The following CACNG3 variants were observed in gnomAD, a reference collection of about 807,000 sequenced individuals.
CACNG3 encodes calcium voltage-gated channel auxiliary subunit gamma 3, also known as voltage-dependent calcium channel gamma-3 subunit.
A neutral mutation model predicts 28.5 loss-of-function variants in CACNG3; 3 were observed. The ratio of observed to expected loss-of-function variants is 0.11; its 90% CI spans 0.05 to 0.27. CACNG3 has a LOEUF of 0.27. Ranked by LOEUF, CACNG3 falls within the 10% of genes least tolerant of loss-of-function variation. The pLI is 1.00. For synonymous variants in CACNG3, 174 were observed against 162.2 expected (o/e 1.07, Z -0.55); for missense variants, 236 against 414.4 (o/e 0.57, Z 3.74).
At chr16:24,319,897 A>G (rs916919157) in intron 1 of CACNG3, among the ~76,000 whole-genome samples, 4 of 152,158 alleles carry the variant, frequency 2.6e-5, no homozygotes, top group Non-Finnish European at 5.9e-5. Flanking sequence ...CAGCCTCCCA[A>G]GGAGCTGGGA....
At chr16:24,321,564 C>T (rs1269989727) in intron 1 of CACNG3, among the ~76,000 whole-genome samples, 6 of 152,222 alleles carry the variant, frequency 3.9e-5, no homozygotes, top group Non-Finnish European at 8.8e-5. Context: ...TACTTAATAG[C>T]ATCCCCAAAG....
Position 24,257,369 on chromosome 16 carries a change from GAGAGAGAGAGAGAGAGAGAGA to G in CACNG3, c.211+405_211+425del, listed in dbSNP as rs1243290376. Among the ~76,000 whole-genome samples, 42 of 19,650 alleles carry G rather than the reference GAGAGAGAGAGAGAGAGAGAGA, an allele frequency of 2.1e-3. 2 individuals carry two copies. Among genetic ancestry groups the G allele is most frequent in the East Asian group, 5.2e-3 (2 of 382 alleles). The allele number at this position is 19,650 out of a possible 152,430, so 12.9% of individuals were successfully genotyped here. On this transcript the variant is annotated intron_variant, in intron 1 of 3. Transcript: ENST00000005284. ...GGACAAGAGGAAAGAAGTGAGGGGG[GAGAGAGAGAGAGAGAGAGAGA>G]GAGAGAGAGAGAGAGAGAGAGAGAG...
At chr16:24,293,912 A>AG (rs1898997416) in intron 1 of CACNG3, among the ~76,000 whole-genome samples, 1 of 152,122 alleles carries the variant, frequency 6.6e-6, no homozygotes, top group African/African-American at 2.4e-5. Flanking sequence ...GTGAAAAAAA[A>AG]TAAGCCTTGA....
intron 1 of CACNG3, among the ~76,000 whole-genome samples, chr16:24,343,404 C>T (rs1014530686): frequency 6.6e-6 from 1 of 152,142 alleles, no homozygotes; most frequent in African/African-American, 2.4e-5. Flanking sequence ...CACCTGAACA[C>T]TTTCTTCCTT....
At chr16:24,334,882 G>A (rs1899680942) in intron 1 of CACNG3, among the ~76,000 whole-genome samples, 1 of 152,144 alleles carries the variant, frequency 6.6e-6, no homozygotes, top group Non-Finnish European at 1.5e-5. Context: ...CACATGCACA[G>A]GTCTGCACAT....
chr16:24,271,261 G>T (rs538291768), intron 1 of CACNG3, among the ~76,000 whole-genome samples: 1 of 152,078 alleles, frequency 6.6e-6, no homozygotes, highest in Non-Finnish European at 1.5e-5. Flanking sequence ...CTTTTGCCTC[G>T]CCCTTCTCTA....
chr16:24,333,330 G>A (rs2141374501), intron 1 of CACNG3: 1 of 152,280 alleles, frequency 6.6e-6, no homozygotes, highest in Middle Eastern at 3.4e-3. Flanking sequence ...AAAGTTGGAA[G>A]CATGTTTTCG....
At chr16:24,303,632 C>T (rs369786776) in intron 1 of CACNG3, among the ~76,000 whole-genome samples, 3 of 151,502 alleles carry the variant, frequency 2.0e-5, no homozygotes, top group East Asian at 3.9e-4. Flanking sequence ...TATTTGCTTG[C>T]GAAGTGGTTG....
At chr16:24,330,209 C>A (rs1247170644) in intron 1 of CACNG3, among the ~76,000 whole-genome samples, 1 of 152,160 alleles carries the variant, frequency 6.6e-6, no homozygotes, top group African/African-American at 2.4e-5. Flanking sequence ...AAAGTGAAGC[C>A]CAAGTCCAAG....
chr16:24,268,595 A>C (rs1898645156), intron 1 of CACNG3, among the ~76,000 whole-genome samples: 1 of 152,232 alleles, frequency 6.6e-6, no homozygotes, highest in South Asian at 2.1e-4. Context: ...AAGCCAATAA[A>C]ATTGAGACAT....
At chr16:24,299,030 C>T (rs375901577) in intron 1 of CACNG3, among the ~76,000 whole-genome samples, 36 of 152,226 alleles carry the variant, frequency 2.4e-4, no homozygotes, top group Admixed American at 7.2e-4. Context: ...CCAGGTCTCG[C>T]CCCTGTAGAG....
intron 1 of CACNG3, among the ~76,000 whole-genome samples, chr16:24,276,617 T>C (rs989086994): frequency 6.6e-6 from 1 of 152,234 alleles, no homozygotes; most frequent in Non-Finnish European, 1.5e-5. Flanking sequence ...TTGACTTCTC[T>C]TTAGTTGCAG....
intron 1 of CACNG3, among the ~76,000 whole-genome samples, chr16:24,305,471 A>C (rs1203290373): frequency 6.6e-6 from 1 of 151,714 alleles, no homozygotes; most frequent in African/African-American, 2.4e-5. Flanking sequence ...GGATCCTCCC[A>C]CCTCAGCCTC....
chr16:24,329,930 G>A (rs1899609520), intron 1 of CACNG3, among the ~76,000 whole-genome samples: 1 of 152,170 alleles, frequency 6.6e-6, no homozygotes, highest in South Asian at 2.1e-4. Context: ...CAGCTACTTG[G>A]GAGGCTGAGG....
rs1596653700 is a variant in CACNG3, at chr16:24,354,916, T to G, written c.379T>G (p.Phe127Val). The change falls in exon 3 of 4, where the codon TTC becomes GTC. Residue 127 changes from phenylalanine to valine, a missense_variant. Coordinates refer to ENST00000005284, the MANE Select transcript of CACNG3 (RefSeq NM_006539.4). Reference sequence around the variant, plus strand: ...CGGGCTCTGCGTGGCAGCCAGTGAGTTCCACCGCAGCAGACACAACGTCAT... The same window carrying G: ...CGGGCTCTGCGTGGCAGCCAGTGAGGTCCACCGCAGCAGACACAACGTCAT... ...FGGLCVAASEFHRSRHNVILS... is the reference protein window; with the variant it reads ...FGGLCVAASEVHRSRHNVILS... The G allele has an allele frequency of 1.9e-6, 3 of 1,612,418 alleles. No homozygotes were observed. The highest frequency in any genetic ancestry group is 2.5e-6 in the Non-Finnish European group (3 of 1,179,996).
At chr16:24,352,473 C>A (rs1051391026) in intron 2 of CACNG3, among the ~76,000 whole-genome samples, 1 of 152,106 alleles carries the variant, frequency 6.6e-6, no homozygotes, top group African/African-American at 2.4e-5. Context: ...CAGGTCTACC[C>A]CCGCAGTCCA....
At chr16:24,265,910 A>G (rs1898603638) in intron 1 of CACNG3, among the ~76,000 whole-genome samples, 1 of 152,212 alleles carries the variant, frequency 6.6e-6, no homozygotes, top group Non-Finnish European at 1.5e-5. Context: ...AAACCCTGCT[A>G]TATCTCACTG....
At chr16:24,273,503 T>A (rs1431294692) in intron 1 of CACNG3, among the ~76,000 whole-genome samples, 2 of 152,218 alleles carry the variant, frequency 1.3e-5, no homozygotes, top group African/African-American at 4.8e-5. Flanking sequence ...TATTTTTACT[T>A]TTTCATCATC....
chr16:24,361,294 A>G lies in CACNG3; in HGVS notation c.437-58A>G, dbSNP rs1288199226. ...TTTCTATAAATATTTTAAGATGGAA[A>G]GTGACAGTTCTCTCCGAGGTGTATA... On this transcript the variant is annotated intron_variant, in intron 3 of 3. Transcript: ENST00000005284. The surrounding 1 kb of genome is among the most constrained non-coding windows in gnomAD (Gnocchi z 6.8). 7.8e-7 allele frequency: 1 copy of G among 1,274,594 alleles called. No individual in the cohort carries two copies. The highest frequency in any genetic ancestry group is 1.1e-6 in the Non-Finnish European group (1 of 914,372). 79.0% of individuals were successfully genotyped at this position (1,274,594 alleles called of 1,614,324 possible). A position where few individuals can be genotyped will look rare whatever the true frequency, so the allele number is the denominator to read the frequency against.
Sources: gnomAD v4.1 joint callset for allele counts (sites outside exome capture counted in the v4.1 genomes callset) on GRCh38, gnomAD v4.1.1 for gene constraint, Gnocchi (gnomAD v3.1) non-coding constraint, MANE v1.5 for transcripts, NCBI Gene and HGNC (gene_info 2026-07-23, HGNC 2026-07-21) for gene names.